Variants in CDH18 observed in about 807,000 individuals in gnomAD.
CDH18 encodes the protein cadherin 18.
In CDH18, 31 loss-of-function variants were observed where a neutral mutation model predicts 67.9. That is an observed-to-expected ratio of 0.46 (90% confidence interval 0.34 to 0.62). The LOEUF (loss-of-function observed/expected upper bound fraction) is 0.62. CDH18 is among the 20% of genes least tolerant of loss of function. The pLI, the probability that CDH18 is intolerant of heterozygous loss-of-function variation, is 0.01. For missense variants in CDH18, 890 were observed against 975.5 expected (o/e 0.91, Z 1.17); for synonymous variants, 362 against 347.2 (o/e 1.04, Z -0.48).
chr5:20,277,813 G>C (rs924263885), intron 1 of CDH18, among the ~76,000 whole-genome samples: 19 of 152,066 alleles, frequency 1.2e-4, no homozygotes, highest in African/African-American at 4.6e-4. Flanking sequence ...ATTTAACAAA[G>C]AGATTTAAAT....
intron 8 of CDH18, among the ~76,000 whole-genome samples, chr5:19,563,308 T>C (rs900313207): frequency 6.6e-6 from 1 of 152,228 alleles, no homozygotes; most frequent in Admixed American, 6.5e-5. Context: ...AGTTAGTTAA[T>C]TTTTTGAACT....
At chr5:20,269,508 G>A (rs368368071) in intron 1 of CDH18, among the ~76,000 whole-genome samples, 9 of 151,946 alleles carry the variant, frequency 5.9e-5, no homozygotes, top group Admixed American at 1.3e-4. Context: ...AAGAAAATAC[G>A]CTATATATAC....
chr5:19,891,494 A>G (rs931273986), intron 2 of CDH18, among the ~76,000 whole-genome samples: 1 of 152,148 alleles, frequency 6.6e-6, no homozygotes, highest in Non-Finnish European at 1.5e-5. Flanking sequence ...CGTAAAAGAT[A>G]ATTTATAATT....
At chr5:20,033,992 C>A (rs531401020) in intron 2 of CDH18, among the ~76,000 whole-genome samples, 1 of 152,072 alleles carries the variant, frequency 6.6e-6, no homozygotes, top group African/African-American at 2.4e-5. Context: ...AAGAATGACA[C>A]AATTCTCAGA....
intron 3 of CDH18, among the ~76,000 whole-genome samples, chr5:19,763,839 T>C (rs1265475073): frequency 1.3e-5 from 2 of 151,752 alleles, no homozygotes; most frequent in Admixed American, 6.6e-5. Flanking sequence ...ATTAGTGTCC[T>C]GGAACGAAGT....
intron 1 of CDH18, among the ~76,000 whole-genome samples, chr5:20,538,214 A>G (rs1756837243): frequency 6.6e-6 from 1 of 152,148 alleles, no homozygotes; most frequent in Non-Finnish European, 1.5e-5. Flanking sequence ...CACAAAACAG[A>G]ATGATCTAAA....
intron 6 of CDH18, among the ~76,000 whole-genome samples, chr5:19,599,113 GATA>G (rs998961627): frequency 1.3e-5 from 2 of 151,960 alleles, no homozygotes; most frequent in Admixed American, 6.6e-5. Context: ...TACCATAAAA[GATA>G]ATAACTTTAA....
intron 7 of CDH18, among the ~76,000 whole-genome samples, chr5:19,587,012 G>C (rs554216256): frequency 2.0e-5 from 3 of 151,544 alleles, no homozygotes; most frequent in Admixed American, 1.3e-4. Context: ...TCTTCTTTTG[G>C]GAAGTGTCTG....
At chr5:20,354,010 C>T (rs1741410633) in intron 1 of CDH18, among the ~76,000 whole-genome samples, 1 of 152,176 alleles carries the variant, frequency 6.6e-6, no homozygotes, top group Non-Finnish European at 1.5e-5. Flanking sequence ...CTGCTTCCAT[C>T]AGCTATAAAG....
At position 19,828,045 on chromosome 5, in the gene CDH18, C is replaced by T. The variant is rs545512759; in HGVS notation, c.228+10714G>A. On this transcript the variant is annotated intron_variant, in intron 3 of 12. Coordinates refer to ENST00000382275, the MANE Select transcript of CDH18 (RefSeq NM_004934.5). ...ATTAGAAATTACAAAGGGTACATTA[C>T]CAATGACCCCACAGAAATACAAAAA... Among the ~76,000 whole-genome samples, 10 of 152,196 alleles carry T rather than the reference C, an allele frequency of 6.6e-5. No homozygotes were observed. The South Asian group carries it at 1.0e-3, about 16-fold the overall frequency.
At chr5:20,032,741 C>A (rs1270982137) in intron 2 of CDH18, among the ~76,000 whole-genome samples, 8 of 151,868 alleles carry the variant, frequency 5.3e-5, no homozygotes, top group Non-Finnish European at 8.8e-5. Context: ...ATGTTCCTTT[C>A]ATTGGTGAGT....
At chr5:20,331,934 C>T (rs1294579253) in intron 1 of CDH18, among the ~76,000 whole-genome samples, 4 of 152,166 alleles carry the variant, frequency 2.6e-5, no homozygotes, top group South Asian at 4.1e-4. Flanking sequence ...GAGTGTTCAG[C>T]CTTAAGTGTT....
At chr5:19,574,799 T>G (rs1196948614) in intron 7 of CDH18, among the ~76,000 whole-genome samples, 2 of 151,788 alleles carry the variant, frequency 1.3e-5, no homozygotes, top group African/African-American at 2.4e-5. Flanking sequence ...TCCCAGCACT[T>G]TGGGAGGCCG....
chr5:20,122,319 T>C (rs541718009), intron 2 of CDH18, among the ~76,000 whole-genome samples: 5 of 152,306 alleles, frequency 3.3e-5, no homozygotes, highest in Admixed American at 6.5e-5. Flanking sequence ...CCTGCTGTTT[T>C]CTCTATGTTT....
At chr5:19,766,353 T>C (rs752712510) in intron 3 of CDH18, among the ~76,000 whole-genome samples, 7 of 152,204 alleles carry the variant, frequency 4.6e-5, no homozygotes, top group Non-Finnish European at 7.4e-5. Flanking sequence ...TTCTCCTCAC[T>C]ATAAGCTTTC....
chr5:19,985,264 G>A (rs1425166050), intron 1 of CDH18, among the ~76,000 whole-genome samples: 2 of 152,026 alleles, frequency 1.3e-5, no homozygotes, highest in Non-Finnish European at 2.9e-5. Flanking sequence ...AAAAGGAGGG[G>A]ATTTATCTGT....
At chr5:19,506,909 C>A (rs550710423) in intron 10 of CDH18, among the ~76,000 whole-genome samples, 1 of 152,146 alleles carries the variant, frequency 6.6e-6, no homozygotes, top group Non-Finnish European at 1.5e-5. Context: ...CAAATGGGAT[C>A]TAATTAAACT....
At chr5:20,365,224 A>G (rs991582021) in intron 1 of CDH18, among the ~76,000 whole-genome samples, 1 of 152,068 alleles carries the variant, frequency 6.6e-6, no homozygotes, top group Non-Finnish European at 1.5e-5. Context: ...GTGTGTTCCC[A>G]TGGCACAGGG....
intron 2 of CDH18, among the ~76,000 whole-genome samples, chr5:20,019,965 G>A (rs1460087321): frequency 6.6e-6 from 1 of 152,168 alleles, no homozygotes; most frequent in Non-Finnish European, 1.5e-5. Context: ...AGTCCAGCCT[G>A]AGGTAGTCTC....
Sources: gnomAD v4.1 joint callset for allele counts (sites outside exome capture counted in the v4.1 genomes callset) on GRCh38, gnomAD v4.1.1 for gene constraint, MANE v1.5 for transcripts, NCBI Gene and HGNC (gene_info 2026-07-23, HGNC 2026-07-21) for gene names.